Variants in PRRX2 observed in about 807,000 individuals in gnomAD.
PRRX2 encodes paired mesoderm homeobox protein 2.
Under a neutral mutation model 18.0 loss-of-function variants are expected in PRRX2, and 11 were observed. The observed-to-expected ratio is 0.61, with a 90% CI of 0.39 to 1.01. PRRX2 has a LOEUF of 1.01. PRRX2 is among the 50% of genes least tolerant of loss of function. The pLI is 0.01. For synonymous variants in PRRX2, 177 were observed against 154.8 expected, an observed-to-expected ratio of 1.14 and a Z score of -1.06; for missense variants, 387 against 351.0, an observed-to-expected ratio of 1.10 and a Z score of -0.82.
intron 1 of PRRX2, among the ~76,000 whole-genome samples, chr9:129,676,211 G>A (rs1431467990): frequency 6.6e-6 from 1 of 152,170 alleles, no homozygotes; most frequent in Admixed American, 6.5e-5. Flanking sequence ...CGAGGGGTTG[G>A]GCCCTGGGAC....
rs544934703 is a variant in PRRX2 at position 129,675,531 on chromosome 9, C to T, written c.259+9405C>T. ...CTACCCTCCCTCCCCCATGGGGTCCCCTCAAAGGGCTCTCTTGGGGATGGG... is the reference window on the plus strand; with the variant it reads ...CTACCCTCCCTCCCCCATGGGGTCCTCTCAAAGGGCTCTCTTGGGGATGGG... On this transcript the variant is annotated intron_variant, in intron 1 of 3. Transcript: ENST00000372469. The surrounding 1 kb of genome is among the most constrained non-coding windows in gnomAD (Gnocchi z 4.4). Among the ~76,000 whole-genome samples, 20 of 152,024 alleles carry T rather than the reference C, an allele frequency of 1.3e-4. No individual in the cohort carries two copies. In the South Asian group the frequency reaches 3.7e-3, roughly 28 times the overall value.
At chr9:129,706,024 G>C (rs35177314) in intron 1 of PRRX2, among the ~76,000 whole-genome samples, 3 of 151,872 alleles carry the variant, frequency 2.0e-5, no homozygotes, top group Non-Finnish European at 4.4e-5. Context: ...AGAGACTCAG[G>C]AGATATCCTT....
chr9:129,667,149 A>T (rs1268210660), intron 1 of PRRX2, among the ~76,000 whole-genome samples: 1 of 53,644 alleles, frequency 1.9e-5, no homozygotes. Context: ...CCTGCCTTTC[A>T]CGGGGCACCT....
chr9:129,675,190 T>C lies in PRRX2; in HGVS notation c.259+9064T>C, dbSNP rs763676794. Among the ~76,000 whole-genome samples the C allele has an allele frequency of 2.6e-5, 4 of 152,262 alleles. No homozygotes were observed. Among genetic ancestry groups the C allele is most frequent in the Non-Finnish European group, 4.4e-5 (3 of 68,006 alleles). On this transcript the variant is annotated intron_variant, in intron 1 of 3. Transcript: ENST00000372469. This position sits in a 1 kb window ranked among gnomAD's most constrained non-coding sequence, Gnocchi z 4.4. ...GAGAGGGAGGGGGCTGCGCTGAGGC[T>C]AAGCCCCAGCATCCCCAGGGACTGG...
chr9:129,713,781 C>G (rs1318287966), intron 1 of PRRX2, among the ~76,000 whole-genome samples: 1 of 151,772 alleles, frequency 6.6e-6, no homozygotes, highest in African/African-American at 2.4e-5. Context: ...CAGGTGCCCG[C>G]CACCATGCCT....
At chr9:129,678,485 A>C (rs1037449219) in intron 1 of PRRX2, among the ~76,000 whole-genome samples, 1 of 152,264 alleles carries the variant, frequency 6.6e-6, no homozygotes, top group African/African-American at 2.4e-5. Flanking sequence ...GGGCCCCTAC[A>C]TTGTCTGGAG....
At chr9:129,681,384 G>A (rs1832228101) in intron 1 of PRRX2, among the ~76,000 whole-genome samples, 1 of 152,168 alleles carries the variant, frequency 6.6e-6, no homozygotes, top group South Asian at 2.1e-4. Flanking sequence ...GCCAGGCATG[G>A]TGGTGTGCAC....
At position 129,722,287 on chromosome 9, in the gene PRRX2, G is replaced by A. The variant is rs745318451; in HGVS notation, c.697G>A (p.Ala233Thr). The stretch of plus-strand genomic sequence containing the variant: ...AGGGGTCAACATGGCCAACAGCATC[G>A]CCAGCCTCCGTCTCAAGGCCAAGGA... ...TPGVNMANSI[A>T]SLRLKAKEFS... Residue 233 changes from alanine (A) to threonine (T), a missense_variant, in exon 4 of 4, where the codon GCC becomes ACC. Coordinates refer to ENST00000372469, the MANE Select transcript of PRRX2 (RefSeq NM_016307.4). 52 of 1,613,908 alleles carry A rather than the reference G, an allele frequency of 3.2e-5. No individual in the cohort carries two copies. Among genetic ancestry groups the A allele is most frequent in the African/African-American group, 4.0e-5 (3 of 74,920 alleles).
At chr9:129,684,283 G>T (rs1284220050) in intron 1 of PRRX2, among the ~76,000 whole-genome samples, 1 of 152,074 alleles carries the variant, frequency 6.6e-6, no homozygotes, top group Non-Finnish European at 1.5e-5. Flanking sequence ...ATATTTATTA[G>T]CCTAATTTAG....
At position 129,720,243 on chromosome 9, in the gene PRRX2, AGCCTCTCCCCCCGAGTGCTCAGCAAGC is replaced by A. The variant is rs1564157092; in HGVS notation, c.448-321_448-295del. Among the ~76,000 whole-genome samples the A allele has an allele frequency of 9.1e-3, 726 of 79,652 alleles. 3 individuals carry two copies. The highest frequency in any genetic ancestry group is 0.032 in the African/African-American group (623 of 19,640). 52.3% of individuals were successfully genotyped at this position (79,652 alleles called of 152,430 possible). On this transcript the variant is annotated intron_variant, in intron 2 of 3. Transcript: ENST00000372469. ...CCTCTCCCCGCGAGTGCTCAGCAAGAGCCTCTCCCCCCGAGTGCTCAGCAAGCGCCTCTCCCCCCGAGTGCTCAGCAA... is the reference window on the plus strand; with the variant it reads ...CCTCTCCCCGCGAGTGCTCAGCAAGAGCCTCTCCCCCCGAGTGCTCAGCAA...
chr9:129,695,373 C>G lies in PRRX2; in HGVS notation c.260-23858C>G, dbSNP rs1271855578. Among the ~76,000 whole-genome samples the G allele has an allele frequency of 6.6e-6, 1 of 152,244 alleles. No individual in the cohort carries two copies. The highest frequency in any genetic ancestry group is 1.5e-5 in the Non-Finnish European group (1 of 68,034). Reference sequence around the variant, plus strand: ...TTAGCCCCAGAGGAAACTGTCTTTTCAAAGAGAGAGGCTGCGGAAATGGCA... The same window carrying G: ...TTAGCCCCAGAGGAAACTGTCTTTTGAAAGAGAGAGGCTGCGGAAATGGCA... On this transcript the variant is annotated intron_variant, in intron 1 of 3. Transcript: ENST00000372469. This position sits in a 1 kb window ranked among gnomAD's most constrained non-coding sequence, Gnocchi z 4.8.
intron 1 of PRRX2, among the ~76,000 whole-genome samples, chr9:129,712,413 C>T (rs1319236267): frequency 6.6e-6 from 1 of 152,144 alleles, no homozygotes; most frequent in Non-Finnish European, 1.5e-5. Context: ...TAATTCCCTC[C>T]AGACTATTTA....
At position 129,720,763 on chromosome 9, in the gene PRRX2, G is replaced by A. The variant is rs553709679; in HGVS notation, c.615G>A (p.Ser205=). Residue 205 remains serine (S), a synonymous_variant, in exon 3 of 4, where the codon TCG becomes TCA. Transcript: ENST00000372469. ...CAGATTATCTCTCCTGGACAGCCTC[G>A]TCCCCCTACAGGTGAGAGCGGGAAC... ...LSPDYLSWTA[S]SPYSTVPPYS... 37 of 1,594,506 alleles carry A rather than the reference G, an allele frequency of 2.3e-5. No homozygotes were observed. Among genetic ancestry groups the A allele is most frequent in the African/African-American group, 9.4e-5 (7 of 74,568 alleles).
intron 1 of PRRX2, among the ~76,000 whole-genome samples, chr9:129,690,765 C>T (rs919181940): frequency 1.3e-5 from 2 of 151,792 alleles, no homozygotes; most frequent in Non-Finnish European, 2.9e-5. Context: ...CTTGGCCTCC[C>T]AAAGTGCTGG....
intron 1 of PRRX2, 38 bp downstream of exon 1, chr9:129,666,164 G>T: frequency 3.1e-6 from 3 of 982,252 alleles, no homozygotes; most frequent in Non-Finnish European, 3.6e-6. Flanking sequence ...TGGCGGGGCC[G>T]GGGCCGGGGC....
intron 1 of PRRX2, among the ~76,000 whole-genome samples, chr9:129,680,858 T>A (rs1427683051): frequency 6.6e-6 from 1 of 152,248 alleles, no homozygotes; most frequent in African/African-American, 2.4e-5. Flanking sequence ...CATCTTGCTT[T>A]ATTTTCCACA....
At chr9:129,694,634 G>A (rs893280317) in intron 1 of PRRX2, among the ~76,000 whole-genome samples, 7 of 152,214 alleles carry the variant, frequency 4.6e-5, no homozygotes, top group Admixed American at 6.5e-5. Context: ...GGATGTGGAT[G>A]AGTCCCAGTT....
chr9:129,669,277 C>T (rs1832070094), intron 1 of PRRX2, among the ~76,000 whole-genome samples: 1 of 152,220 alleles, frequency 6.6e-6, no homozygotes, highest in African/African-American at 2.4e-5. Flanking sequence ...CGTGGCTTCG[C>T]CAGTGACTCA....
chr9:129,696,558 A>G (rs1269008970), intron 1 of PRRX2, among the ~76,000 whole-genome samples: 1 of 152,202 alleles, frequency 6.6e-6, no homozygotes, highest in Admixed American at 6.5e-5. Flanking sequence ...CCTGCGCCAC[A>G]GAGTTAGACC....
Sources: gnomAD v4.1 joint callset for allele counts (sites outside exome capture counted in the v4.1 genomes callset) on GRCh38, gnomAD v4.1.1 for gene constraint, Gnocchi (gnomAD v3.1) non-coding constraint, MANE v1.5 for transcripts, NCBI Gene and HGNC (gene_info 2026-07-23, HGNC 2026-07-21) for gene names.